Variants in MCC observed in about 807,000 individuals in gnomAD.
The protein encoded by MCC is MCC regulator of Wnt signaling pathway.
A neutral mutation model predicts 116.2 loss-of-function variants in MCC; 90 were observed. The observed-to-expected ratio is 0.77, with a 90% CI of 0.65 to 0.92. The LOEUF is 0.92. Among genes scored for constraint, MCC ranks in the 40% least tolerant of loss-of-function variants. The probability of loss-of-function intolerance (pLI) is 0.00; values close to 1 mark genes in which losing one functional copy is unlikely to be tolerated. For missense variants in MCC, 1,516 were observed against 1,312.2 expected (o/e 1.16, Z -2.40); for synonymous variants, 578 against 510.5 (o/e 1.13, Z -1.78).
At chr5:113,238,702 T>G (rs1242756428) in intron 3 of MCC, among the ~76,000 whole-genome samples, 1 of 152,132 alleles carries the variant, frequency 6.6e-6, no homozygotes, top group African/African-American at 2.4e-5. Context: ...CACATGCCAA[T>G]GGGTATGGGA....
At chr5:113,300,890 T>C (rs1319993069) in intron 3 of MCC, among the ~76,000 whole-genome samples, 3 of 152,200 alleles carry the variant, frequency 2.0e-5, no homozygotes, top group Non-Finnish European at 4.4e-5. Context: ...AGCATTGCAA[T>C]GAATGATCTG....
At chr5:113,082,811 T>A in intron 11 of MCC, 49 bp downstream of exon 11, 1 of 1,590,440 alleles carries the variant, frequency 6.3e-7, no homozygotes. Flanking sequence ...AAGTGAGGAG[T>A]AGCACCTCCT....
chr5:113,466,086 G>GT (rs1484872309), intron 1 of MCC, among the ~76,000 whole-genome samples: 11 of 152,082 alleles, frequency 7.2e-5, no homozygotes, highest in African/African-American at 2.7e-4. Context: ...ATAGGGAACA[G>GT]TGTGAGCCAT....
At chr5:113,253,573 C>T (rs1020034081) in intron 3 of MCC, among the ~76,000 whole-genome samples, 2 of 152,132 alleles carry the variant, frequency 1.3e-5, no homozygotes, top group Admixed American at 6.5e-5. Flanking sequence ...CCAACAGGGG[C>T]AGCAGATGAG....
At chr5:113,187,001 T>A (rs977255839) in intron 3 of MCC, among the ~76,000 whole-genome samples, 1 of 152,186 alleles carries the variant, frequency 6.6e-6, no homozygotes, top group African/African-American at 2.4e-5. Context: ...AATCCTACTT[T>A]AGCAGAAATC....
intron 1 of MCC, among the ~76,000 whole-genome samples, chr5:113,413,366 C>T (rs1423811137): frequency 6.6e-6 from 1 of 152,088 alleles, no homozygotes; most frequent in Non-Finnish European, 1.5e-5. Flanking sequence ...CTCTTTGTAC[C>T]TCTGGTAGAA....
chr5:113,355,388 G>A (rs1298631928), intron 2 of MCC, among the ~76,000 whole-genome samples: 3 of 152,098 alleles, frequency 2.0e-5, no homozygotes, highest in Non-Finnish European at 4.4e-5. Context: ...CTAAAACAAA[G>A]AGTCAAACAG....
intron 3 of MCC, among the ~76,000 whole-genome samples, chr5:113,252,192 T>A (rs1764827447): frequency 6.6e-6 from 1 of 152,086 alleles, no homozygotes; most frequent in Non-Finnish European, 1.5e-5. Flanking sequence ...CCCATCCCAT[T>A]ATCTTAGTGT....
At chr5:113,428,735 A>T (rs1347245759) in intron 1 of MCC, 1 of 152,162 alleles carries the variant, frequency 6.6e-6, no homozygotes, top group Non-Finnish European at 1.5e-5. Flanking sequence ...TCAAGGAAGA[A>T]TTTAAGGGGA....
At chr5:113,153,336 G>A (rs1184250865) in intron 3 of MCC, among the ~76,000 whole-genome samples, 2 of 152,178 alleles carry the variant, frequency 1.3e-5, no homozygotes, top group Non-Finnish European at 2.9e-5. Flanking sequence ...GGAGGGAAAA[G>A]CTGAGAGAAT....
At chr5:113,130,327 G>C (rs1211882768) in intron 5 of MCC, among the ~76,000 whole-genome samples, 1 of 152,088 alleles carries the variant, frequency 6.6e-6, no homozygotes, top group Admixed American at 6.6e-5. Flanking sequence ...CACACACTGG[G>C]GCCTGTCTGG....
intron 3 of MCC, among the ~76,000 whole-genome samples, chr5:113,202,560 A>G (rs1481853452): frequency 6.6e-6 from 1 of 152,224 alleles, no homozygotes; most frequent in East Asian, 1.9e-4. Context: ...AGATACGCCG[A>G]CAGTGTATTT....
intron 3 of MCC, among the ~76,000 whole-genome samples, chr5:113,211,525 C>T (rs1213711427): frequency 2.0e-5 from 3 of 152,218 alleles, no homozygotes; most frequent in Non-Finnish European, 4.4e-5. Flanking sequence ...TAGCCACTGG[C>T]TTGGGGGGTT....
chr5:113,430,844 C>G (rs553584104), intron 1 of MCC, among the ~76,000 whole-genome samples: 2 of 152,206 alleles, frequency 1.3e-5, no homozygotes, highest in East Asian at 3.9e-4. Flanking sequence ...TGAAGAGAAG[C>G]TGGGTTACAG....
chr5:113,176,978 G>A (rs1475321919), intron 3 of MCC, among the ~76,000 whole-genome samples: 1 of 152,186 alleles, frequency 6.6e-6, no homozygotes, highest in Non-Finnish European at 1.5e-5. Context: ...ACTCTGAGGT[G>A]CATGTCTGAT....
At chr5:113,215,758 GTTCT>G (rs1763291243) in intron 3 of MCC, among the ~76,000 whole-genome samples, 1 of 152,150 alleles carries the variant, frequency 6.6e-6, no homozygotes, top group African/African-American at 2.4e-5. Context: ...ATAACTTTCT[GTTCT>G]TTATTAGTTG....
chr5:113,250,211 G>T (rs72788615), intron 3 of MCC, among the ~76,000 whole-genome samples: 6,126 of 152,280 alleles, frequency 0.04, 179 homozygotes, highest in Non-Finnish European at 0.062. Flanking sequence ...TTATCTCAGG[G>T]AAGGGGAGGC....
intron 6 of MCC, among the ~76,000 whole-genome samples, chr5:113,116,052 C>T (rs1757373581): frequency 6.6e-6 from 1 of 152,216 alleles, no homozygotes; most frequent in African/African-American, 2.4e-5. Context: ...CCCCCAGGCT[C>T]ACTAACCTCC....
chr5:113,060,241 G>C (rs557311393), intron 14 of MCC, among the ~76,000 whole-genome samples: 1 of 152,072 alleles, frequency 6.6e-6, no homozygotes, highest in South Asian at 2.1e-4. Flanking sequence ...CACAGCCTCC[G>C]CCTCCTGGGT....
Sources: allele counts gnomAD v4.1 joint callset (sites outside exome capture counted in the v4.1 genomes callset), GRCh38; gene constraint gnomAD v4.1.1; transcripts MANE v1.5; gene names NCBI Gene and HGNC (gene_info 2026-07-23, HGNC 2026-07-21).